The following CABP5 variants were observed in gnomAD, a reference collection of about 807,000 sequenced individuals.
CABP5 encodes calcium binding protein 5, also known as calcium-binding protein 5.
In CABP5, 17 loss-of-function variants were observed where a neutral mutation model predicts 21.9. The observed-to-expected ratio is 0.78, with a 90% CI of 0.53 to 1.17. The LOEUF (loss-of-function observed/expected upper bound fraction) is 1.17, where lower values mean the gene tolerates loss of function less well. Among genes scored for constraint, CABP5 ranks in the 50% most tolerant of loss-of-function variants. The pLI is 0.00. For synonymous variants in CABP5, 85 were observed against 79.4 expected (o/e 1.07, Z -0.37); for missense variants, 229 against 228.9 (o/e 1.00, Z 0.00).
At position 48,043,912 on chromosome 19, in the gene CABP5, G is replaced by T; in HGVS notation, c.11C>A (p.Pro4His). The T allele has an allele frequency of 6.6e-7, 1 of 1,504,916 alleles. No individual in the cohort carries two copies. Among genetic ancestry groups the T allele is most frequent in the African/African-American group, 1.5e-5 (1 of 68,122 alleles). The allele number at this position is 1,504,916 out of a possible 1,614,324, so 93.2% of individuals were successfully genotyped here. MQF[P>H]MGPACIFLRK... Reference sequence around the variant, plus strand: ...CAAGAAGATGCAGGCGGGGCCCATGGGGAACTGCATGGAGGGGTGGGGTGG... The same window carrying T: ...CAAGAAGATGCAGGCGGGGCCCATGTGGAACTGCATGGAGGGGTGGGGTGG... Residue 4 changes from proline (P) to histidine (H), a missense_variant, in exon 1 of 6, where the codon CCC becomes CAC. Physicochemically the swap from Pro to His is moderately conservative, Grantham distance 77 (BLOSUM62 -2). Coordinates refer to ENST00000293255, the MANE Select transcript of CABP5 (RefSeq NM_019855.5).
chr19:48,042,084 C>A (rs1482730250), intron 1 of CABP5, among the ~76,000 whole-genome samples: 4 of 152,130 alleles, frequency 2.6e-5, no homozygotes, highest in Non-Finnish European at 5.9e-5. Flanking sequence ...GTTAAGGAAC[C>A]TGCACAAGGT....
In CABP5 at chr19:48,029,817, A is replaced by AGAGAGAGAGAGAGAGAGG. The variant is rs1967315460; in HGVS notation, c.*739_*740insCCTCTCTCTCTCTCTCTC. On this transcript the variant is annotated 3_prime_UTR_variant, in exon 6 of 6. Transcript: ENST00000293255. ...GACAGACAGAGAGAGAGAGAGAGAG[A>AGAGAGAGAGAGAGAGAGG]GAGAGAGAGAGAGAGAGAGAAACCA... 6.6e-6 allele frequency: 1 copy of AGAGAGAGAGAGAGAGAGG among 151,144 alleles called. No individual in the cohort carries two copies. Among genetic ancestry groups the AGAGAGAGAGAGAGAGAGG allele is most frequent in the Non-Finnish European group, 1.5e-5 (1 of 67,836 alleles). The allele number at this position is 151,144 out of a possible 1,614,324, so 9.4% of individuals were successfully genotyped here. A position where few individuals can be genotyped will look rare whatever the true frequency, so the allele number is the denominator to read the frequency against.
In CABP5 at chr19:48,030,135, A is replaced by G. The variant is rs1341100008; in HGVS notation, c.*422T>C. On this transcript the variant is annotated 3_prime_UTR_variant, in exon 6 of 6. Coordinates refer to ENST00000293255, the MANE Select transcript of CABP5 (RefSeq NM_019855.5). ...AAACGGGATTTGCAACAGTTGATGC[A>G]GGCAGGGGAAGAGTAGAGACTACGT... The G allele has an allele frequency of 2.3e-5, 4 of 170,520 alleles. No individual in the cohort carries two copies. The East Asian group carries it at 6.4e-4, about 27-fold the overall frequency. The allele number at this position is 170,520 out of a possible 1,614,324, so 10.6% of individuals were successfully genotyped here. A position where few individuals can be genotyped will look rare whatever the true frequency, so the allele number is the denominator to read the frequency against.
At chr19:48,037,578 C>T (rs1393098641) in intron 4 of CABP5, among the ~76,000 whole-genome samples, 1 of 150,828 alleles carries the variant, frequency 6.6e-6, no homozygotes, top group Non-Finnish European at 1.5e-5. Context: ...TTAAAATTTT[C>T]TAGTAGTGAC....
Position 48,034,295 on chromosome 19 carries a change from C to A in CABP5, c.416G>T (p.Gly139Val). 1 of 1,609,480 alleles carries A rather than the reference C, an allele frequency of 6.2e-7. No individual in the cohort carries two copies. Among genetic ancestry groups the A allele is most frequent in the Non-Finnish European group, 8.5e-7 (1 of 1,178,218 alleles). Residue 139 changes from glycine (G) to valine (V), a missense_variant, in exon 5 of 6, where the codon GGG (glycine) becomes GTG (valine). Gly to Val is a moderately radical substitution (Grantham distance 109). Transcript: ENST00000293255. ...GATCTCCCGGGGGGTGAGCCGCTCC[C>A]CCAGGAGTCTCTGCATGGCCTGCTG... ...ELQQAMQRLL[G>V]ERLTPREISE...
Position 48,029,989 on chromosome 19 carries a change from T to C in CABP5, c.*568A>G, listed in dbSNP as rs1038587145. 7.2e-5 allele frequency: 11 copies of C among 152,362 alleles called. No homozygotes were observed. The highest frequency in any genetic ancestry group is 2.4e-4 in the African/African-American group (10 of 41,568). The allele number at this position is 152,362 out of a possible 1,614,324, so 9.4% of individuals were successfully genotyped here. On this transcript the variant is annotated 3_prime_UTR_variant, in exon 6 of 6. Coordinates refer to ENST00000293255, the MANE Select transcript of CABP5 (RefSeq NM_019855.5). ...CTTTTTATTTCATTTTGTATTTCTA[T>C]AGATTTAGGGAGTACAAGTGCGGTT...
At chr19:48,041,388 G>A (rs1244500532) in intron 2 of CABP5, 185 bp downstream of exon 2, 9 of 636,670 alleles carry the variant, frequency 1.4e-5, no homozygotes, top group Admixed American at 6.5e-5. Context: ...ATATGCCTTC[G>A]AAATACTTTG....
At chr19:48,036,015 C>T (rs868703585) in intron 4 of CABP5, among the ~76,000 whole-genome samples, 2 of 152,094 alleles carry the variant, frequency 1.3e-5, no homozygotes, top group African/African-American at 2.4e-5. Context: ...ATTAGAGGGC[C>T]GCCATGATCA....
In CABP5 at chr19:48,035,996, A is replaced by G. The variant is rs536874236; in HGVS notation, c.349-1634T>C. Among the ~76,000 whole-genome samples, 365 of 152,322 alleles carry G rather than the reference A, an allele frequency of 2.4e-3. 2 individuals carry two copies. Among genetic ancestry groups the G allele is most frequent in the African/African-American group, 8.4e-3 (350 of 41,578 alleles). On this transcript the variant is annotated intron_variant, in intron 4 of 5. Transcript: ENST00000293255. ...CCACAGTAGGACCACGATGGGAGCC[A>G]GGAAACCAATTAGAGGGCCGCCATG...
Position 48,029,794 on chromosome 19 carries a change from CAGACAGAG to C in CABP5, c.*755_*762del, listed in dbSNP as rs1215997782. ...ATGTGGGAGGGGAGACAGAGACAGA[CAGACAGAG>C]AGAGAGAGAGAGAGAGAGAGAGAGA... On this transcript the variant is annotated 3_prime_UTR_variant, in exon 6 of 6. Coordinates refer to ENST00000293255, the MANE Select transcript of CABP5 (RefSeq NM_019855.5). Among the ~76,000 whole-genome samples, 248 of 85,462 alleles carry C rather than the reference CAGACAGAG, an allele frequency of 2.9e-3. No homozygotes were observed. Among genetic ancestry groups the C allele is most frequent in the African/African-American group, 9.2e-3 (229 of 24,978 alleles). 56.1% of individuals were successfully genotyped at this position (85,462 alleles called of 152,430 possible).
At chr19:48,041,707 T>G in intron 1 of CABP5, 104 bp from the exon 2 acceptor site, 10 of 1,030,028 alleles carry the variant, frequency 9.7e-6, no homozygotes, top group Admixed American at 2.5e-5. Flanking sequence ...CGTGGTTCTC[T>G]TTCCATTCTC....
In CABP5 at chr19:48,043,931, G is replaced by T. The variant is rs757934662; in HGVS notation, c.-9C>A. On this transcript the variant is annotated 5_prime_UTR_variant, in exon 1 of 6. Coordinates refer to ENST00000293255, the MANE Select transcript of CABP5 (RefSeq NM_019855.5). ...CCCATGGGGAACTGCATGGAGGGGT[G>T]GGGTGGAGCTCGCAGGGCACCAGTC... The T allele has an allele frequency of 6.6e-7, 1 of 1,508,096 alleles. No homozygotes were observed. The highest frequency in any genetic ancestry group is 1.3e-5 in the South Asian group (1 of 76,550). The allele number at this position is 1,508,096 out of a possible 1,614,324, so 93.4% of individuals were successfully genotyped here.
intron 1 of CABP5, among the ~76,000 whole-genome samples, chr19:48,043,572 G>C (rs1160294497): frequency 6.5e-4 from 1 of 1,534 alleles, no homozygotes; most frequent in South Asian, 0.017. Context: ...AGCATCCATA[G>C]AAAAGAATGA....
At chr19:48,036,536 A>G (rs1217776670) in intron 4 of CABP5, among the ~76,000 whole-genome samples, 1 of 152,218 alleles carries the variant, frequency 6.6e-6, no homozygotes, top group Non-Finnish European at 1.5e-5. Flanking sequence ...ATGGGGAGAT[A>G]TTGTACCATG....
intron 4 of CABP5, among the ~76,000 whole-genome samples, chr19:48,035,988 T>C (rs554542585): frequency 2.0e-5 from 3 of 152,092 alleles, no homozygotes; most frequent in African/African-American, 4.8e-5. Context: ...AGGACCACGA[T>C]GGGAGCCAGG....
intron 3 of CABP5, 26 bp from the exon 4 acceptor site, chr19:48,039,343 G>T: frequency 6.4e-7 from 1 of 1,573,506 alleles, no homozygotes; most frequent in Middle Eastern, 1.7e-4. Flanking sequence ...CAGGATTAGC[G>T]AGACCCCACA....
At chr19:48,035,754 C>T (rs915798778) in intron 4 of CABP5, among the ~76,000 whole-genome samples, 3 of 152,056 alleles carry the variant, frequency 2.0e-5, no homozygotes, top group Non-Finnish European at 2.9e-5. Context: ...TTTAGGGAGG[C>T]GTGAGCTGGG....
rs8112254 is a variant in CABP5, at chr19:48,030,355, T to C, written c.*202A>G. On this transcript the variant is annotated 3_prime_UTR_variant, in exon 6 of 6. Transcript: ENST00000293255. ...CCATCCACAGACTCTTCCTTCTTAA[T>C]CTAGTTCTGCAGACGCCCCCATCCT... is the stretch of plus-strand genomic sequence containing the variant. 0.82 allele frequency: 428,677 copies of C among 524,904 alleles called. 177,014 individuals are homozygous for C. Among genetic ancestry groups the C allele is most frequent in the South Asian group, 0.88 (28,512 of 32,448 alleles). 32.5% of individuals were successfully genotyped at this position (524,904 alleles called of 1,614,324 possible). A position where few individuals can be genotyped will look rare whatever the true frequency, so the allele number is the denominator to read the frequency against.
chr19:48,032,220 C>T (rs1457940520), intron 5 of CABP5, among the ~76,000 whole-genome samples: 1 of 151,970 alleles, frequency 6.6e-6, no homozygotes, highest in Non-Finnish European at 1.5e-5. Flanking sequence ...AAAGCAGGCA[C>T]CAAGTTTGTG....
Sources: allele counts gnomAD v4.1 joint callset (sites outside exome capture counted in the v4.1 genomes callset), GRCh38; gene constraint gnomAD v4.1.1; transcripts MANE v1.5; gene names NCBI Gene and HGNC (gene_info 2026-07-23, HGNC 2026-07-21).